NAALADL2: variants seen among roughly 807,000 people sequenced by gnomAD.
NAALADL2 encodes the protein N-acetylated alpha-linked acidic dipeptidase like 2, also known as inactive N-acetylated-alpha-linked acidic dipeptidase-like protein 2.
A neutral mutation model predicts 87.2 loss-of-function variants in NAALADL2; 76 were observed. The ratio of observed to expected loss-of-function variants is 0.87; its 90% CI spans 0.72 to 1.05. The LOEUF (loss-of-function observed/expected upper bound fraction) is 1.05. NAALADL2 is among the 50% of genes least tolerant of loss of function. The pLI, the probability that NAALADL2 is intolerant of heterozygous loss-of-function variation, is 0.00. For missense variants in NAALADL2, 1,089 were observed against 945.8 expected (o/e 1.15, Z -1.99); for synonymous variants, 354 against 331.0 (o/e 1.07, Z -0.75).
intron 5 of NAALADL2, among the ~76,000 whole-genome samples, chr3:175,421,904 A>G (rs571416640): frequency 1.3e-5 from 2 of 152,234 alleles, no homozygotes; most frequent in Non-Finnish European, 2.9e-5. Flanking sequence ...AGCAAAGTAT[A>G]GGCCTCTGAC....
At position 175,647,970 on chromosome 3, in the gene NAALADL2, C is replaced by G. The variant is rs141069983; in HGVS notation, c.1896+20584C>G. ...TGATTTGGTCTAGATCTGGGGTACC[C>G]CCAGTAGATCTTTGTACTAACATTC... On this transcript the variant is annotated intron_variant, in intron 11 of 13. Transcript: ENST00000454872. Among the ~76,000 whole-genome samples, 546 of 152,290 alleles carry G rather than the reference C, an allele frequency of 3.6e-3. 1 individual carries two copies. Among genetic ancestry groups the G allele is most frequent in the African/African-American group, 0.012 (513 of 41,560 alleles).
intron 1 of NAALADL2, chr3:175,059,611 GA>G (rs1278811741): frequency 2.3e-5 from 8 of 350,942 alleles, no homozygotes; most frequent in South Asian, 8.4e-5. Flanking sequence ...CAGTATGATG[GA>G]AAATGGCAAC....
Position 175,394,486 on chromosome 3 carries a change from C to T in NAALADL2, c.1091-52743C>T, listed in dbSNP as rs180981746. Among the ~76,000 whole-genome samples the T allele has an allele frequency of 3.4e-4, 52 of 152,218 alleles. No homozygotes were observed. In the East Asian group the frequency reaches 8.9e-3, roughly 26 times the overall value. Reference sequence around the variant, plus strand: ...ATGCCTCATGAATATGTACAAATATCATGTGTCAATTTAAAAAACACTACC... The same window carrying T: ...ATGCCTCATGAATATGTACAAATATTATGTGTCAATTTAAAAAACACTACC... On this transcript the variant is annotated intron_variant, in intron 5 of 13. Coordinates refer to ENST00000454872, the MANE Select transcript of NAALADL2 (RefSeq NM_207015.3).
chr3:174,685,375 C>A (rs73882492), intron 2 of NAALADL2, among the ~76,000 whole-genome samples: 1 of 152,082 alleles, frequency 6.6e-6, no homozygotes, highest in Non-Finnish European at 1.5e-5. Context: ...ACAAATTTAT[C>A]CAAAATGTAT....
In NAALADL2 at chr3:175,391,174, C is replaced by T. The variant is rs1260643686; in HGVS notation, c.1091-56055C>T. 3.3e-5 allele frequency among the ~76,000 whole-genome samples: 5 copies of T among 152,128 alleles called. 1 individual carries two copies. Among genetic ancestry groups the T allele is most frequent in the Admixed American group, 6.6e-5 (1 of 15,262 alleles). ...CTCTCAGGTTCTCTGTTTAGCATGT[C>T]GAGATTCCCTCATTGAGAAACCCTT... On this transcript the variant is annotated intron_variant, in intron 5 of 13. Coordinates refer to ENST00000454872, the MANE Select transcript of NAALADL2 (RefSeq NM_207015.3).
chr3:175,658,088 T>G (rs1731752528), intron 11 of NAALADL2, among the ~76,000 whole-genome samples: 1 of 152,086 alleles, frequency 6.6e-6, no homozygotes, highest in Non-Finnish European at 1.5e-5. Flanking sequence ...AAATGACTGA[T>G]CATAATCATT....
chr3:174,931,970 C>T (rs1181435154), intron 1 of NAALADL2, among the ~76,000 whole-genome samples: 1 of 152,160 alleles, frequency 6.6e-6, no homozygotes, highest in Non-Finnish European at 1.5e-5. Context: ...ATTCAAATAA[C>T]TTCAACAATT....
intron 3 of NAALADL2, among the ~76,000 whole-genome samples, chr3:174,787,588 T>TATATATATATAC (rs1716860169): frequency 1.6e-4 from 10 of 61,270 alleles, no homozygotes; most frequent in Non-Finnish European, 2.5e-4. Flanking sequence ...TATATATATA[T>TATATATATATAC]ATATATATAT....
At chr3:175,802,766 T>G (rs1754337014) in intron 13 of NAALADL2, among the ~76,000 whole-genome samples, 1 of 151,924 alleles carries the variant, frequency 6.6e-6, no homozygotes, top group Non-Finnish European at 1.5e-5. Flanking sequence ...TGTTGTGTAC[T>G]TCCATCAGGA....
chr3:175,022,945 G>C (rs1046774893), intron 1 of NAALADL2, among the ~76,000 whole-genome samples: 1 of 152,046 alleles, frequency 6.6e-6, no homozygotes, highest in Non-Finnish European at 1.5e-5. Context: ...GAAGAGCCCT[G>C]TAGTTTGTTT....
At chr3:175,271,798 G>T (rs931323829) in intron 4 of NAALADL2, among the ~76,000 whole-genome samples, 5 of 151,996 alleles carry the variant, frequency 3.3e-5, no homozygotes, top group African/African-American at 4.8e-5. Context: ...TCGTCTCAAA[G>T]TAAATTAAAT....
rs1168985458 is a variant in NAALADL2, at chr3:174,793,660, C to T, written c.-9+55914C>T. On this transcript the variant is annotated intron_variant, in intron 3 of 3. Coordinates refer to the NAALADL2 transcript ENST00000434257. ...CCCTCAATAACAAAACAAAACAGGA[C>T]AAAAGTCTAAGTTTCATTAAAAATC... Among the ~76,000 whole-genome samples, 4 of 152,020 alleles carry T rather than the reference C, an allele frequency of 2.6e-5. No homozygotes were observed. In the East Asian group the frequency reaches 7.7e-4, roughly 29 times the overall value.
chr3:175,517,190 TA>T (rs1461452350), intron 9 of NAALADL2, among the ~76,000 whole-genome samples: 2 of 152,188 alleles, frequency 1.3e-5, no homozygotes, highest in Non-Finnish European at 2.9e-5. Flanking sequence ...ATAATCTTCA[TA>T]AGACTTATAA....
At chr3:174,891,424 C>T (rs1056083108) in intron 1 of NAALADL2, among the ~76,000 whole-genome samples, 1 of 151,998 alleles carries the variant, frequency 6.6e-6, no homozygotes, top group African/African-American at 2.4e-5. Flanking sequence ...AAAAACAGTC[C>T]AGAGTCACTG....
At chr3:175,233,901 A>T (rs1401598580) in intron 2 of NAALADL2, 30 bp from the exon 3 acceptor site, 2 of 1,346,454 alleles carry the variant, frequency 1.5e-6, no homozygotes, top group East Asian at 2.4e-5. Flanking sequence ...TCTCCTTTTT[A>T]AAAAAGTTTT....
intron 1 of NAALADL2, among the ~76,000 whole-genome samples, chr3:175,045,207 A>C (rs73883319): frequency 0.014 from 2,063 of 152,158 alleles, 49 homozygotes; most frequent in African/African-American, 0.047. Flanking sequence ...CAGTGATATA[A>C]CTAAGTTTAA....
chr3:174,618,525 T>C (rs1177218533), intron 2 of NAALADL2, among the ~76,000 whole-genome samples: 1 of 151,818 alleles, frequency 6.6e-6, no homozygotes, highest in Admixed American at 6.6e-5. Flanking sequence ...TTTCCTGCCC[T>C]AGAGTACAGA....
chr3:174,649,435 T>C (rs1451175764), intron 2 of NAALADL2, among the ~76,000 whole-genome samples: 1 of 152,204 alleles, frequency 6.6e-6, no homozygotes, highest in East Asian at 1.9e-4. Flanking sequence ...ACTTTTCCAT[T>C]ACATCCTTAT....
chr3:175,163,137 A>C (rs553482581), intron 2 of NAALADL2, among the ~76,000 whole-genome samples: 14 of 152,154 alleles, frequency 9.2e-5, no homozygotes, highest in Non-Finnish European at 1.9e-4. Context: ...ATTTTGTGTT[A>C]TGCTTAAAGT....
Sources: gnomAD v4.1 joint callset for allele counts (sites outside exome capture counted in the v4.1 genomes callset) on GRCh38, gnomAD v4.1.1 for gene constraint, MANE v1.5 for transcripts, NCBI Gene and HGNC (gene_info 2026-07-23, HGNC 2026-07-21) for gene names.